VAT1L: variants seen among roughly 807,000 people sequenced by gnomAD.
VAT1L encodes the protein putative NADPH-dependent quinone oxidoreductase VAT1L.
VAT1L carries 34 observed loss-of-function variants against 44.1 expected under a neutral mutation model. The observed-to-expected ratio is 0.77, with a 90% CI of 0.59 to 1.03. The LOEUF is 1.03. Among genes scored for constraint, VAT1L ranks in the 50% least tolerant of loss-of-function variants. VAT1L has a pLI of 0.00. For missense variants in VAT1L, 615 were observed against 538.8 expected, an observed-to-expected ratio of 1.14 and a Z score of -1.40; for synonymous variants, 253 against 202.2, an observed-to-expected ratio of 1.25 and a Z score of -2.13.
chr16:77,853,722 T>C (rs2016828799), intron 3 of VAT1L, among the ~76,000 whole-genome samples: 1 of 152,152 alleles, frequency 6.6e-6, no homozygotes, highest in African/African-American at 2.4e-5. Context: ...CCAGGTGATG[T>C]TGAGGCTGCT....
intron 4 of VAT1L, among the ~76,000 whole-genome samples, chr16:77,875,527 C>G (rs1443014679): frequency 1.3e-5 from 2 of 152,204 alleles, no homozygotes; most frequent in African/African-American, 2.4e-5. Context: ...CAGAGTCTTC[C>G]TGTTCTACAG....
intron 7 of VAT1L, among the ~76,000 whole-genome samples, chr16:77,894,923 A>G (rs1213063157): frequency 1.3e-5 from 2 of 152,088 alleles, no homozygotes; most frequent in Non-Finnish European, 2.9e-5. Flanking sequence ...GTGGCCTCAG[A>G]AAACCATCCC....
intron 7 of VAT1L, among the ~76,000 whole-genome samples, chr16:77,940,107 C>G (rs1263089378): frequency 6.6e-6 from 1 of 152,084 alleles, no homozygotes; most frequent in East Asian, 1.9e-4. Flanking sequence ...TCTCAACAAG[C>G]TCAAAATGTC....
intron 7 of VAT1L, among the ~76,000 whole-genome samples, chr16:77,888,472 A>G (rs1235291028): frequency 1.3e-5 from 2 of 152,250 alleles, no homozygotes; most frequent in African/African-American, 4.8e-5. Context: ...GTGTTGATTG[A>G]GTGAATTAAT....
intron 7 of VAT1L, among the ~76,000 whole-genome samples, chr16:77,949,923 T>G (rs1349773338): frequency 6.6e-6 from 1 of 152,210 alleles, no homozygotes. Context: ...TTGTCACTTT[T>G]ATTTTGGTGT....
chr16:77,820,893 C>T (rs978140442), intron 2 of VAT1L, among the ~76,000 whole-genome samples: 2 of 152,284 alleles, frequency 1.3e-5, no homozygotes, highest in South Asian at 4.1e-4. Context: ...CCTAGCAGCC[C>T]CTTCCCCAGT....
In VAT1L at chr16:77,788,790, C is replaced by T. The variant is rs548087339; in HGVS notation, c.108C>T (p.Leu36=). ...EGGGGDGSHR[L]GDAQEMRAVV... ...GCGGCGGCGACGGCTCGCACCGCCTCGGGGACGCCCAGGAGATGCGCGCGG... is the reference window on the plus strand; with the variant it reads ...GCGGCGGCGACGGCTCGCACCGCCTTGGGGACGCCCAGGAGATGCGCGCGG... The change falls in exon 1 of 9, where the codon CTC becomes CTT. Residue 36 remains leucine, a synonymous_variant. Coordinates refer to ENST00000302536, the MANE Select transcript of VAT1L (RefSeq NM_020927.3). 119 of 1,567,650 alleles carry T rather than the reference C, an allele frequency of 7.6e-5. No individual in the cohort carries two copies. Among genetic ancestry groups the T allele is most frequent in the African/African-American group, 3.4e-4 (25 of 74,214 alleles).
intron 1 of VAT1L, among the ~76,000 whole-genome samples, chr16:77,812,520 G>T (rs1305204539): frequency 6.6e-6 from 1 of 152,142 alleles, no homozygotes; most frequent in Non-Finnish European, 1.5e-5. Flanking sequence ...GTGGTGTTGT[G>T]GTGCCTTTAA....
At chr16:77,791,697 C>T (rs912588507) in intron 1 of VAT1L, among the ~76,000 whole-genome samples, 5 of 152,238 alleles carry the variant, frequency 3.3e-5, no homozygotes, top group East Asian at 1.9e-4. Context: ...CTTTCTCCAC[C>T]GAAGATGGTT....
chr16:77,863,090 G>A (rs902040287), intron 4 of VAT1L, among the ~76,000 whole-genome samples, 200 bp downstream of exon 4: 2 of 152,138 alleles, frequency 1.3e-5, no homozygotes, highest in Non-Finnish European at 2.9e-5. Context: ...ACCAAGGAAC[G>A]AATCGGCTAA....
intron 7 of VAT1L, among the ~76,000 whole-genome samples, chr16:77,935,609 C>T (rs781005855): frequency 8.8e-5 from 13 of 147,964 alleles, no homozygotes; most frequent in South Asian, 6.4e-4. Context: ...GGGACAGAGA[C>T]GGAGAGGGAT....
At chr16:77,824,863 T>C (rs2016500036) in intron 2 of VAT1L, among the ~76,000 whole-genome samples, 1 of 20,232 alleles carries the variant, frequency 4.9e-5, no homozygotes, top group African/African-American at 1.6e-4. Context: ...CCAATAATGC[T>C]TTTTTTTTTT....
At chr16:77,874,839 TAAAAAAAAAA>T (rs769810512) in intron 4 of VAT1L, among the ~76,000 whole-genome samples, 18 of 87,708 alleles carry the variant, frequency 2.1e-4, no homozygotes, top group East Asian at 1.1e-3. Flanking sequence ...AATTAATTTG[TAAAAAAAAAA>T]AAAAAAAAAA....
intron 7 of VAT1L, among the ~76,000 whole-genome samples, chr16:77,928,272 G>T (rs889528246): frequency 6.6e-6 from 1 of 152,138 alleles, no homozygotes; most frequent in Non-Finnish European, 1.5e-5. Flanking sequence ...TCTAGCAAAT[G>T]TGTGTGTGGA....
intron 3 of VAT1L, among the ~76,000 whole-genome samples, chr16:77,839,825 G>A (rs1202442433): frequency 6.6e-6 from 1 of 152,138 alleles, no homozygotes; most frequent in Non-Finnish European, 1.5e-5. Flanking sequence ...CACCCTCATT[G>A]CATGGAGGTG....
intron 1 of VAT1L, among the ~76,000 whole-genome samples, chr16:77,810,500 T>G (rs148687577): frequency 2.1e-3 from 327 of 152,268 alleles, no homozygotes; most frequent in African/African-American, 7.7e-3. Context: ...ATGAAGTTGA[T>G]TATTAAGATG....
chr16:77,854,997 T>C (rs770714742), intron 3 of VAT1L, among the ~76,000 whole-genome samples: 4 of 152,086 alleles, frequency 2.6e-5, no homozygotes, highest in Non-Finnish European at 5.9e-5. Context: ...GATCAAGAAA[T>C]CTTAGAACTG....
intron 7 of VAT1L, among the ~76,000 whole-genome samples, chr16:77,918,112 G>A (rs574497018): frequency 2.6e-5 from 4 of 152,224 alleles, no homozygotes; most frequent in Non-Finnish European, 5.9e-5. Context: ...GGAGGTGTCG[G>A]GATGCAAATT....
intron 8 of VAT1L, among the ~76,000 whole-genome samples, chr16:77,972,647 G>T (rs1013226265): frequency 1.1e-4 from 16 of 152,232 alleles, no homozygotes; most frequent in African/African-American, 3.8e-4. Context: ...CGGGTGTGGT[G>T]TCAGGTGCCT....
Sources: gnomAD v4.1 joint callset for allele counts (sites outside exome capture counted in the v4.1 genomes callset) on GRCh38, gnomAD v4.1.1 for gene constraint, MANE v1.5 for transcripts, NCBI Gene and HGNC (gene_info 2026-07-23, HGNC 2026-07-21) for gene names.